Variants in ABCA3 observed in about 807,000 individuals in gnomAD.
ABCA3 encodes the protein ATP binding cassette subfamily A member 3.
A neutral mutation model predicts 172.8 loss-of-function variants in ABCA3; 88 were observed. That is an observed-to-expected ratio of 0.51 (90% CI 0.43 to 0.61). ABCA3 has a LOEUF of 0.61. ABCA3 is among the 20% of genes least tolerant of loss of function. ABCA3 has a pLI of 0.00. For missense variants in ABCA3, 2,164 were observed against 2,301.0 expected (o/e 0.94, Z 1.22); for synonymous variants, 1,066 against 983.8 (o/e 1.08, Z -1.56).
rs957885924 is a variant in ABCA3 at position 2,279,772 on chromosome 16, T to C, written c.4360-642A>G. ...TTTTTTTTTTTTTGAGACAGAGTCT[T>C]ACTCTGTCTCCCTTACACTGGTAGA... On this transcript the variant is annotated intron_variant, in intron 28 of 32. Coordinates refer to ENST00000301732, the MANE Select transcript of ABCA3 (RefSeq NM_001089.3). The surrounding 1 kb of genome is among the most constrained non-coding windows in gnomAD (Gnocchi z 4.4). Among the ~76,000 whole-genome samples the C allele has an allele frequency of 9.9e-5, 15 of 151,474 alleles. No individual in the cohort carries two copies. Among genetic ancestry groups the C allele is most frequent in the Admixed American group, 9.9e-4 (15 of 15,192 alleles).
At position 2,334,775 on chromosome 16, in the gene ABCA3, C is replaced by T. The variant is rs188288537; in HGVS notation, c.-538-4921G>A. Among the ~76,000 whole-genome samples the T allele has an allele frequency of 2.6e-5, 4 of 151,592 alleles. No individual in the cohort carries two copies. In the East Asian group the frequency reaches 7.8e-4, roughly 29 times the overall value. On this transcript the variant is annotated intron_variant, in intron 1 of 32. Transcript: ENST00000301732. Reference sequence around the variant, plus strand: ...TCAGGTGATCCACCTGCCTCAGCCTCCTGAAGTGCTAGGATCACAGGTGTG... The same window carrying T: ...TCAGGTGATCCACCTGCCTCAGCCTTCTGAAGTGCTAGGATCACAGGTGTG...
chr16:2,283,311 C>T lies in ABCA3; in HGVS notation c.3910G>A (p.Gly1304Ser), dbSNP rs1306134223. The T allele has an allele frequency of 4.3e-6, 7 of 1,613,120 alleles. No individual in the cohort carries two copies. Among genetic ancestry groups the T allele is most frequent in the African/African-American group, 1.3e-5 (1 of 74,926 alleles). The change falls in exon 26 of 33, where the codon GGC (glycine) becomes AGC (serine). Residue 1304 changes from glycine to serine, a missense_variant. By Grantham distance (56) the Gly-to-Ser change is moderately conservative. Transcript: ENST00000301732. The surrounding 1 kb of genome is among the most constrained non-coding windows in gnomAD (Gnocchi z 5.4). Reference sequence around the variant, plus strand: ...GCGGCCATGGAGGCCACAAACCGGCCGACCCCCGGGGCGCTCCAGGCATAG... The same window carrying T: ...GCGGCCATGGAGGCCACAAACCGGCTGACCCCCGGGGCGCTCCAGGCATAG... ...NFYAWSAPGVGRFVASMAASG... is the reference protein window; with the variant it reads ...NFYAWSAPGVSRFVASMAASG...
At position 2,284,512 on chromosome 16, in the gene ABCA3, C is replaced by T. The variant is rs547822173; in HGVS notation, c.3704-75G>A. 10 of 1,585,558 alleles carry T rather than the reference C, an allele frequency of 6.3e-6. No individual in the cohort carries two copies. Among genetic ancestry groups the T allele is most frequent in the East Asian group, 4.5e-5 (2 of 44,714 alleles). On this transcript the variant is annotated intron_variant, in intron 24 of 32. Coordinates refer to ENST00000301732, the MANE Select transcript of ABCA3 (RefSeq NM_001089.3). The surrounding 1 kb of genome is among the most constrained non-coding windows in gnomAD (Gnocchi z 5.9). ...ACCTCCAGGACGGGCCTGGTCAGGG[C>T]GGGCACAGGGCCTTATCCGTGCTGT... is the stretch of plus-strand genomic sequence containing the variant.
intron 10 of ABCA3, among the ~76,000 whole-genome samples, chr16:2,315,664 T>C (rs2093714097): frequency 6.6e-6 from 1 of 151,980 alleles, no homozygotes; most frequent in Non-Finnish European, 1.5e-5. Flanking sequence ...TAACTGCTTA[T>C]GATTTTTTTT....
At chr16:2,318,419 C>A (rs9930249) in intron 8 of ABCA3, among the ~76,000 whole-genome samples, 2 of 152,192 alleles carry the variant, frequency 1.3e-5, no homozygotes, top group South Asian at 2.1e-4. Context: ...CTGACCAATA[C>A]GGCAGCCAGC....
chr16:2,289,999 A>ACACACACACACC (rs2093669525), intron 19 of ABCA3, among the ~76,000 whole-genome samples: 1 of 141,484 alleles, frequency 7.1e-6, no homozygotes, highest in East Asian at 2.3e-4. Context: ...ACACACACAC[A>ACACACACACACC]CACCCCTTCC....
At chr16:2,338,180 G>A (rs1414364120) in intron 1 of ABCA3, among the ~76,000 whole-genome samples, 3 of 152,118 alleles carry the variant, frequency 2.0e-5, no homozygotes, top group African/African-American at 4.8e-5. Flanking sequence ...CACGGCTCCC[G>A]CAAAGGCACC....
rs767319867 is a variant in ABCA3 at position 2,287,993 on chromosome 16, A to G, written c.3004+33T>C. The stretch of plus-strand genomic sequence containing the variant: ...ACTCTGGCTGCAGGACTGGCCCCCG[A>G]TGCCCCCGTCCCGCCCCCGGGATGC... On this transcript the variant is annotated intron_variant, in intron 21 of 32. Transcript: ENST00000301732. This position sits in a 1 kb window ranked among gnomAD's most constrained non-coding sequence, Gnocchi z 4.1. 244 of 1,596,482 alleles carry G rather than the reference A, an allele frequency of 1.5e-4. No individual in the cohort carries two copies. Among genetic ancestry groups the G allele is most frequent in the Middle Eastern group, 2.2e-4 (1 of 4,628 alleles).
rs547030476 is a variant in ABCA3, at chr16:2,312,409, AT to A, written c.1112-3787del. Among the ~76,000 whole-genome samples the A allele has an allele frequency of 1.6e-4, 24 of 152,266 alleles. No homozygotes were observed. The East Asian group carries it at 4.2e-3, about 27-fold the overall frequency. On this transcript the variant is annotated intron_variant, in intron 10 of 32. Coordinates refer to ENST00000301732, the MANE Select transcript of ABCA3 (RefSeq NM_001089.3). ...ATCCATGGTTCAGTACAAGTACTTT[AT>A]GTGTACATCCCATTTCGTCACACAG... is the stretch of plus-strand genomic sequence containing the variant.
chr16:2,283,546 C>T lies in ABCA3; in HGVS notation c.3863-188G>A. On this transcript the variant is annotated intron_variant, in intron 25 of 32. Coordinates refer to ENST00000301732, the MANE Select transcript of ABCA3 (RefSeq NM_001089.3). This position sits in a 1 kb window ranked among gnomAD's most constrained non-coding sequence, Gnocchi z 5.4. ...CACCACAGCTCAGAGAGGGGCCAGG[C>T]ACGTAACAATCCAATGCAGTCCCAT... 1 of 645,402 alleles carries T rather than the reference C, an allele frequency of 1.5e-6. No homozygotes were observed. The highest frequency in any genetic ancestry group is 2.6e-6 in the Non-Finnish European group (1 of 381,342). The allele number at this position is 645,402 out of a possible 1,614,324, so 40.0% of individuals were successfully genotyped here.
In ABCA3 at chr16:2,317,378, G is replaced by A; in HGVS notation, c.1016C>T (p.Ser339Phe). 6.2e-7 allele frequency: 1 copy of A among 1,613,960 alleles called. No individual in the cohort carries two copies. The highest frequency in any genetic ancestry group is 1.7e-5 in the Admixed American group (1 of 60,022). The change falls in exon 10 of 33, where the codon TCC becomes TTC. Residue 339 changes from serine (S) to phenylalanine (F), a missense_variant. Ser to Phe is a radical substitution (Grantham distance 155). This residue lies in a region of ABCA3 where 1,343 missense variants were observed against 1,369.6 expected (regional missense o/e 0.98). Transcript: ENST00000301732. ...GAGCACCAGGGAGGGGTCGCTGCGG[G>A]ACAGCACGGCTACATTTGGCTTCAC... ...VKVKPNVAVL[S>F]RSDPSLVLAF...
At position 2,277,147 on chromosome 16, in the gene ABCA3, GTGCAGTGGCACAATCATAGCTCAC is replaced by G. The variant is rs1449667777; in HGVS notation, c.4984-366_4984-343del. Among the ~76,000 whole-genome samples the G allele has an allele frequency of 6.6e-6, 1 of 152,166 alleles. No individual in the cohort carries two copies. Among genetic ancestry groups the G allele is most frequent in the Non-Finnish European group, 1.5e-5 (1 of 68,034 alleles). On this transcript the variant is annotated intron_variant, in intron 32 of 32. Coordinates refer to ENST00000301732, the MANE Select transcript of ABCA3 (RefSeq NM_001089.3). The surrounding 1 kb of genome is among the most constrained non-coding windows in gnomAD (Gnocchi z 5.3). ...GTCTTGCTCTGTAGCCCAGGCTGGA[GTGCAGTGGCACAATCATAGCTCAC>G]TGCAGTCTCGAACTCCCAGGCTCAA...
chr16:2,299,632 A>G, intron 13 of ABCA3, 100 bp from the exon 14 acceptor site: 1 of 1,570,126 alleles, frequency 6.4e-7, no homozygotes. Context: ...GAAGGAACCA[A>G]GCCTAGCGTC....
At chr16:2,320,746 T>A (rs1222621137) in intron 7 of ABCA3, among the ~76,000 whole-genome samples, 1 of 152,010 alleles carries the variant, frequency 6.6e-6, no homozygotes, top group Admixed American at 6.6e-5. Context: ...GGCATGGACA[T>A]CTGGAGGCAA....
intron 10 of ABCA3, among the ~76,000 whole-genome samples, chr16:2,315,339 A>G (rs1485833481): frequency 6.6e-6 from 1 of 152,072 alleles, no homozygotes; most frequent in Non-Finnish European, 1.5e-5. Flanking sequence ...GAAAAATCAC[A>G]CCTAGACTTT....
chr16:2,276,702 T>C lies in ABCA3; in HGVS notation c.5087A>G (p.Gln1696Arg), dbSNP rs1274563381. The C allele has an allele frequency of 3.7e-6, 6 of 1,613,556 alleles. No homozygotes were observed. The African/African-American group carries it at 6.7e-5, about 18-fold the overall frequency. The change falls in exon 33 of 33, where the codon CAG becomes CGG. Residue 1696 changes from glutamine to arginine, a missense_variant. This residue lies in a region of ABCA3 where 795 missense variants were observed against 881.9 expected (regional missense o/e 0.90). Transcript: ENST00000301732. ...EQVFLSFAHL[Q>R]PPTAEEGR ...TCGCCCCTCCTCTGCGGTGGGCGGC[T>C]GCAGGTGGGCGAAGCTCAGGAAGAC...
chr16:2,286,655 G>T lies in ABCA3; in HGVS notation c.3278+39C>A, dbSNP rs777362409. 1.9e-6 allele frequency: 3 copies of T among 1,610,972 alleles called. No individual in the cohort carries two copies. The African/African-American group carries it at 4.0e-5, about 22-fold the overall frequency. ...GTGCCCAGGGCAGTCAGTCCTGGGG[G>T]CTCTGGCCAGGGCAGACAGGGACGG... is the stretch of plus-strand genomic sequence containing the variant. On this transcript the variant is annotated intron_variant, in intron 22 of 32. Transcript: ENST00000301732. The surrounding 1 kb of genome is among the most constrained non-coding windows in gnomAD (Gnocchi z 5.2).
chr16:2,332,287 G>A, intron 1 of ABCA3: 1 of 608,504 alleles, frequency 1.6e-6, no homozygotes, highest in East Asian at 2.9e-5. Context: ...TTATTATACA[G>A]GTGAATTTTG....
At chr16:2,330,646 A>C (rs182481746) in intron 1 of ABCA3, among the ~76,000 whole-genome samples, 24 of 145,126 alleles carry the variant, frequency 1.7e-4, no homozygotes, top group African/African-American at 6.1e-4. Context: ...GCTTGTAAGC[A>C]CTCTGCTTCT....
Sources: allele counts gnomAD v4.1 joint callset (sites outside exome capture counted in the v4.1 genomes callset), GRCh38; gene constraint gnomAD v4.1.1; regional missense constraint gnomAD v4.1.1; non-coding constraint Gnocchi (gnomAD v3.1); transcripts MANE v1.5; gene names NCBI Gene and HGNC (gene_info 2026-07-23, HGNC 2026-07-21).